The following GLIS3 variants were observed in gnomAD, a reference collection of about 807,000 sequenced individuals.
GLIS3 encodes GLIS family zinc finger 3, also known as zinc finger protein GLIS3.
In GLIS3, 53 loss-of-function variants were observed where a neutral mutation model predicts 78.6. That is an observed-to-expected ratio of 0.67 (90% CI 0.54 to 0.85). The LOEUF (loss-of-function observed/expected upper bound fraction) is 0.85. Ranked by LOEUF, GLIS3 falls within the 40% of genes least tolerant of loss-of-function variation. The pLI is 0.00. For synonymous variants in GLIS3, 684 were observed against 509.9 expected (o/e 1.34, Z -4.60); for missense variants, 1,703 against 1,231.1 (o/e 1.38, Z -5.74).
the GLIS3 span, among the ~76,000 whole-genome samples, chr9:4,354,926 C>G: frequency 3.2e-4 from 49 of 152,172 alleles, no homozygotes; most frequent in African/African-American, 1.1e-3. Flanking sequence ...ACCATCCTGG[C>G]TAACACGGCG....
chr9:4,234,570 G>C (rs979630443), intron 2 of GLIS3, among the ~76,000 whole-genome samples: 1 of 152,118 alleles, frequency 6.6e-6, no homozygotes, highest in Non-Finnish European at 1.5e-5. Flanking sequence ...CTTCGTAATA[G>C]ATATTATAAT....
At chr9:4,381,408 T>C in the GLIS3 span, among the ~76,000 whole-genome samples, 1 of 152,146 alleles carries the variant, frequency 6.6e-6, no homozygotes, top group Non-Finnish European at 1.5e-5. Context: ...TATCTTTGGA[T>C]CCCCAGAGCC....
chr9:4,005,244 T>G (rs527780989), intron 4 of GLIS3, among the ~76,000 whole-genome samples: 1 of 152,352 alleles, frequency 6.6e-6, no homozygotes, highest in Non-Finnish European at 1.5e-5. Flanking sequence ...TTATCAAAAT[T>G]TGAAATGTGC....
the GLIS3 span, among the ~76,000 whole-genome samples, chr9:4,424,874 T>A: frequency 6.6e-6 from 1 of 152,114 alleles, no homozygotes; most frequent in South Asian, 2.1e-4. Flanking sequence ...TTTTTTTTTT[T>A]AATTAGAGAT....
chr9:3,838,731 T>G (rs1329941753), intron 9 of GLIS3, among the ~76,000 whole-genome samples: 3 of 27,676 alleles, frequency 1.1e-4, no homozygotes, highest in Non-Finnish European at 1.5e-4. Context: ...AAAATACAAA[T>G]TTTGATGGGA....
the GLIS3 span, among the ~76,000 whole-genome samples, chr9:4,463,485 C>A: frequency 2.6e-5 from 4 of 152,218 alleles, no homozygotes; most frequent in African/African-American, 9.6e-5. Flanking sequence ...AAAATTATTT[C>A]TTTCTGTTTC....
chr9:4,063,861 T>G (rs1402322762), intron 4 of GLIS3, among the ~76,000 whole-genome samples: 1 of 152,212 alleles, frequency 6.6e-6, no homozygotes, highest in Non-Finnish European at 1.5e-5. Context: ...TCTCATCTCA[T>G]TCAGTGTACG....
intron 4 of GLIS3, among the ~76,000 whole-genome samples, chr9:3,948,929 A>G (rs1816485031): frequency 6.6e-6 from 1 of 152,240 alleles, no homozygotes; most frequent in African/African-American, 2.4e-5. Context: ...ATCCACATGT[A>G]TTCAAATTAT....
At chr9:4,376,557 A>G in the GLIS3 span, among the ~76,000 whole-genome samples, 138 of 135,276 alleles carry the variant, frequency 1.0e-3, 20 homozygotes, top group African/African-American at 3.5e-3. Flanking sequence ...TTTGTAAGTC[A>G]TTAGCAAGTC....
At chr9:4,038,478 C>T (rs907604384) in intron 4 of GLIS3, among the ~76,000 whole-genome samples, 1 of 152,194 alleles carries the variant, frequency 6.6e-6, no homozygotes, top group African/African-American at 2.4e-5. Context: ...GAAATGACCA[C>T]TTGTAAAGAG....
At chr9:3,932,538 CAA>C (rs1337935054) in intron 5 of GLIS3, 68 bp from the exon 6 acceptor site, 2 of 1,148,810 alleles carry the variant, frequency 1.7e-6, no homozygotes, top group East Asian at 2.4e-5. Flanking sequence ...ATGTTTTACT[CAA>C]AGACTATTGA....
intron 2 of GLIS3, among the ~76,000 whole-genome samples, chr9:4,330,905 A>G (rs1005459163): frequency 6.6e-5 from 10 of 152,144 alleles, no homozygotes; most frequent in Non-Finnish European, 1.0e-4. Context: ...TAGAGCAAGC[A>G]CTGTTTGTCA....
chr9:4,224,026 A>C (rs1025713052), intron 2 of GLIS3, among the ~76,000 whole-genome samples: 1 of 152,084 alleles, frequency 6.6e-6, no homozygotes, highest in East Asian at 1.9e-4. Context: ...CCACCAGAGT[A>C]AACTGCTAAA....
chr9:4,415,840 C>T, the GLIS3 span, among the ~76,000 whole-genome samples: 3 of 151,620 alleles, frequency 2.0e-5, no homozygotes, highest in Non-Finnish European at 4.4e-5. Context: ...AAAAGAAATA[C>T]ATACTAATGG....
At chr9:4,458,753 G>A in the GLIS3 span, among the ~76,000 whole-genome samples, 4 of 152,154 alleles carry the variant, frequency 2.6e-5, no homozygotes, top group South Asian at 2.1e-4. Context: ...AGATGAGATC[G>A]CACCACTGCA....
the GLIS3 span, among the ~76,000 whole-genome samples, chr9:4,446,008 T>C: frequency 6.6e-6 from 1 of 152,234 alleles, no homozygotes; most frequent in Admixed American, 6.5e-5. Context: ...ATTTTTTTAA[T>C]ATATGAAATC....
chr9:4,414,090 A>T, the GLIS3 span, among the ~76,000 whole-genome samples: 1 of 152,180 alleles, frequency 6.6e-6, no homozygotes, highest in Non-Finnish European at 1.5e-5. Context: ...ATCAACTGGA[A>T]TGTGAAGCTG....
the GLIS3 span, among the ~76,000 whole-genome samples, chr9:4,391,670 C>T: frequency 6.6e-6 from 1 of 151,826 alleles, no homozygotes; most frequent in African/African-American, 2.4e-5. Context: ...TTAAAAATCT[C>T]GATTAAGAGC....
In GLIS3 at chr9:3,939,588, CACCT is replaced by C. The variant is rs936364315; in HGVS notation, c.1711-2403_1711-2400del. ...TAGCAAGGATAGAGGAAAATATAGG[CACCT>C]AGACTGAAAATGACAACAAAAAGAT... is the stretch of plus-strand genomic sequence containing the variant. On this transcript the variant is annotated intron_variant, in intron 4 of 10. Transcript: ENST00000381971. 1.7e-4 allele frequency among the ~76,000 whole-genome samples: 26 copies of C among 152,068 alleles called. 1 individual carries two copies. The highest frequency in any genetic ancestry group is 1.3e-3 in the Admixed American group (20 of 15,274).
Sources: allele counts gnomAD v4.1 joint callset (sites outside exome capture counted in the v4.1 genomes callset), GRCh38; gene constraint gnomAD v4.1.1; transcripts MANE v1.5; gene names NCBI Gene and HGNC (gene_info 2026-07-23, HGNC 2026-07-21).